THSD4: variants seen among roughly 807,000 people sequenced by gnomAD.
THSD4 encodes thrombospondin type 1 domain containing 4, also known as thrombospondin type-1 domain-containing protein 4.
THSD4 carries 69 observed loss-of-function variants against 119.0 expected under a neutral mutation model. The ratio of observed to expected loss-of-function variants is 0.58; its 90% CI spans 0.48 to 0.71. THSD4 has a LOEUF of 0.71. Among genes scored for constraint, THSD4 ranks in the 30% least tolerant of loss-of-function variants. The pLI is 0.00. For missense variants in THSD4, 1,393 were observed against 1,391.1 expected (o/e 1.00, Z -0.02); for synonymous variants, 524 against 540.4 (o/e 0.97, Z 0.42).
intron 3 of THSD4, among the ~76,000 whole-genome samples, chr15:71,193,790 C>T (rs1001950014): frequency 3.9e-5 from 6 of 152,142 alleles, no homozygotes; most frequent in Non-Finnish European, 7.4e-5. Flanking sequence ...TCTCTGCAAG[C>T]TCCGCCTCCC....
rs1596289444 is a variant in THSD4 at position 71,246,047 on chromosome 15, A to C, written c.912+2951A>C. Among the ~76,000 whole-genome samples the C allele has an allele frequency of 1.3e-5, 2 of 152,330 alleles. 1 individual carries two copies. The highest frequency in any genetic ancestry group is 6.8e-3 in the Middle Eastern group (2 of 294). ...GAGGACATGAATGACCCAATTATGT[A>C]AGTATTCCTACTGAAAGAGGAAAAG... On this transcript the variant is annotated intron_variant, in intron 5 of 17. Coordinates refer to ENST00000261862, the MANE Select transcript of THSD4 (RefSeq NM_024817.3).
At chr15:71,433,819 A>G (rs1399406216) in intron 7 of THSD4, among the ~76,000 whole-genome samples, 1 of 152,106 alleles carries the variant, frequency 6.6e-6, no homozygotes, top group East Asian at 1.9e-4. Flanking sequence ...CAGGTGCTGC[A>G]CACACACATA....
At chr15:71,523,799 A>C (rs1191315423) in intron 7 of THSD4, among the ~76,000 whole-genome samples, 4 of 152,148 alleles carry the variant, frequency 2.6e-5, no homozygotes, top group African/African-American at 9.7e-5. Context: ...AGAAAATCCT[A>C]ATTTGACACC....
intron 7 of THSD4, among the ~76,000 whole-genome samples, chr15:71,575,324 G>A (rs1337476468): frequency 6.6e-6 from 1 of 152,116 alleles, no homozygotes; most frequent in African/African-American, 2.4e-5. Flanking sequence ...TTCACTTTTA[G>A]CTTCATATTA....
chr15:71,426,502 C>A (rs1400724728), intron 7 of THSD4, among the ~76,000 whole-genome samples: 1 of 151,950 alleles, frequency 6.6e-6, no homozygotes, highest in Non-Finnish European at 1.5e-5. Flanking sequence ...TGCCCTTTTG[C>A]CCTACGTTGC....
chr15:71,203,526 G>A (rs2043819970), intron 3 of THSD4, among the ~76,000 whole-genome samples: 1 of 152,172 alleles, frequency 6.6e-6, no homozygotes, highest in Admixed American at 6.5e-5. Context: ...GGGCATGATG[G>A]TGTGTGCCTG....
At chr15:71,121,303 G>A (rs568873218) in intron 1 of THSD4, among the ~76,000 whole-genome samples, 18 of 152,034 alleles carry the variant, frequency 1.2e-4, no homozygotes, top group African/African-American at 3.9e-4. Flanking sequence ...TTTTCCACCT[G>A]GAAAATGCTC....
chr15:71,700,837 A>T (rs1186181468), intron 8 of THSD4, among the ~76,000 whole-genome samples: 1 of 152,114 alleles, frequency 6.6e-6, no homozygotes, highest in Admixed American at 6.5e-5. Flanking sequence ...AATTATTATT[A>T]AAAAATAATG....
chr15:71,470,629 A>ATT (rs1330193351), intron 7 of THSD4, among the ~76,000 whole-genome samples: 1 of 146,760 alleles, frequency 6.8e-6, no homozygotes, highest in Non-Finnish European at 1.5e-5. Flanking sequence ...TGAGGATTTT[A>ATT]TTATTTTTTT....
intron 7 of THSD4, among the ~76,000 whole-genome samples, chr15:71,656,081 T>A (rs1270756336): frequency 6.6e-6 from 1 of 152,218 alleles, no homozygotes; most frequent in Non-Finnish European, 1.5e-5. Context: ...ACCTAATGAT[T>A]ATACAGCTGT....
chr15:71,576,442 T>C (rs2049449955), intron 7 of THSD4, among the ~76,000 whole-genome samples: 1 of 152,226 alleles, frequency 6.6e-6, no homozygotes, highest in South Asian at 2.1e-4. Context: ...CAAGTCAAAA[T>C]ACTTGGACCT....
intron 6 of THSD4, among the ~76,000 whole-genome samples, chr15:71,387,473 CAAAAT>C (rs2046310472): frequency 6.6e-6 from 1 of 151,984 alleles, no homozygotes; most frequent in South Asian, 2.1e-4. Context: ...TATGTATAAA[CAAAAT>C]AACTCAAAAT....
intron 7 of THSD4, among the ~76,000 whole-genome samples, chr15:71,515,307 C>T (rs192365494): frequency 6.6e-6 from 1 of 152,242 alleles, no homozygotes; most frequent in East Asian, 1.9e-4. Context: ...GCTGAATTCC[C>T]TTTTGGATTC....
At chr15:71,263,972 G>A (rs1194815923) in intron 6 of THSD4, among the ~76,000 whole-genome samples, 1 of 152,190 alleles carries the variant, frequency 6.6e-6, no homozygotes, top group Non-Finnish European at 1.5e-5. Flanking sequence ...GAATATTAAA[G>A]GTGCCACCAC....
intron 17 of THSD4, among the ~76,000 whole-genome samples, chr15:71,776,299 A>G (rs1033378413): frequency 2.6e-5 from 4 of 152,240 alleles, no homozygotes; most frequent in Non-Finnish European, 5.9e-5. Flanking sequence ...CCACAGGCTG[A>G]AGAAGATATT....
chr15:71,624,166 T>C (rs932689503), intron 7 of THSD4, among the ~76,000 whole-genome samples: 4 of 152,154 alleles, frequency 2.6e-5, no homozygotes, highest in Admixed American at 2.6e-4. Context: ...CAATGACCTT[T>C]CAGAGTTGTC....
chr15:71,596,113 T>A (rs368667108), intron 7 of THSD4, among the ~76,000 whole-genome samples: 16 of 152,348 alleles, frequency 1.1e-4, no homozygotes, highest in Middle Eastern at 3.4e-3. Context: ...GTTTGTGCTT[T>A]TATCTTGTGA....
At chr15:71,749,364 G>A (rs6494963) in intron 14 of THSD4, among the ~76,000 whole-genome samples, 135,100 of 152,298 alleles carry the variant, frequency 0.89, 60,103 homozygotes, top group Non-Finnish European at 0.92. Context: ...TTCCTGGTGG[G>A]ATCGGCGCAT....
chr15:71,344,255 G>A (rs560255448), intron 6 of THSD4, among the ~76,000 whole-genome samples: 4 of 152,102 alleles, frequency 2.6e-5, no homozygotes, highest in East Asian at 3.9e-4. Flanking sequence ...GTGTTAGTCA[G>A]TATGGTCTCG....
Sources: allele counts gnomAD v4.1 joint callset (sites outside exome capture counted in the v4.1 genomes callset), GRCh38; gene constraint gnomAD v4.1.1; transcripts MANE v1.5; gene names NCBI Gene and HGNC (gene_info 2026-07-23, HGNC 2026-07-21).